Variants in KLHL23 observed in about 807,000 individuals in gnomAD.
KLHL23 encodes kelch like family member 23, also known as kelch-like protein 23.
In KLHL23, 33 loss-of-function variants were observed where a neutral mutation model predicts 48.9. The ratio of observed to expected loss-of-function variants is 0.67; its 90% CI spans 0.51 to 0.90. The LOEUF is 0.90. KLHL23 is among the 40% of genes least tolerant of loss of function. The pLI, the probability that KLHL23 is intolerant of heterozygous loss-of-function variation, is 0.00. For missense variants in KLHL23, 608 were observed against 669.6 expected (o/e 0.91, Z 1.02); for synonymous variants, 234 against 231.6 (o/e 1.01, Z -0.09).
chr2:169,749,368 C>G (rs1688883895), intron 3 of KLHL23, 54 bp from the exon 4 acceptor site: 13 of 1,471,412 alleles, frequency 8.8e-6, no homozygotes, highest in Non-Finnish European at 1.2e-5. Flanking sequence ...TGTGGAATCT[C>G]TTTTGTTTGT....
At chr2:169,736,669 A>G (rs1688525649) in intron 2 of KLHL23, among the ~76,000 whole-genome samples, 1 of 152,184 alleles carries the variant, frequency 6.6e-6, no homozygotes, top group Admixed American at 6.5e-5. Flanking sequence ...TGAGAGGGGC[A>G]GACACCATAC....
intron 2 of KLHL23, among the ~76,000 whole-genome samples, chr2:169,740,791 T>TATATATATATATATATAA (rs1291405019): frequency 1.4e-5 from 2 of 140,236 alleles, no homozygotes; most frequent in Non-Finnish European, 3.1e-5. Context: ...TATATATATA[T>TATATATATATATATATAA]AACTTATTTA....
intron 3 of KLHL23, among the ~76,000 whole-genome samples, chr2:169,741,806 AT>A (rs1326578741): frequency 6.6e-6 from 1 of 152,180 alleles, no homozygotes; most frequent in Non-Finnish European, 1.5e-5. Context: ...CGTCTTTAAA[AT>A]TTTTTTCCTT....
chr2:169,739,787 A>G (rs1688630102), intron 2 of KLHL23, among the ~76,000 whole-genome samples: 1 of 152,168 alleles, frequency 6.6e-6, no homozygotes, highest in Non-Finnish European at 1.5e-5. Context: ...TGTGAACGTT[A>G]TACTTAAACA....
chr2:169,744,970 CT>C (rs1455039930), intron 3 of KLHL23, among the ~76,000 whole-genome samples: 5 of 151,372 alleles, frequency 3.3e-5, no homozygotes, highest in Non-Finnish European at 7.4e-5. Context: ...GACAGTCTCG[CT>C]CTGTTGCTTA....
At chr2:169,747,635 A>G (rs1402563995) in intron 3 of KLHL23, among the ~76,000 whole-genome samples, 2 of 151,998 alleles carry the variant, frequency 1.3e-5, no homozygotes, top group Non-Finnish European at 2.9e-5. Flanking sequence ...TATTCTTTCT[A>G]AAGAGGGGCT....
intron 3 of KLHL23, among the ~76,000 whole-genome samples, chr2:169,748,866 A>G (rs936742408): frequency 1.3e-5 from 2 of 149,888 alleles, no homozygotes; most frequent in African/African-American, 4.9e-5. Flanking sequence ...GCTTCTCAGG[A>G]TGATAGACTG....
rs1437635381 is a variant in KLHL23, at chr2:169,744,486, G to A, written c.1366+2949G>A. On this transcript the variant is annotated intron_variant, in intron 3 of 3. Coordinates refer to ENST00000392647, the MANE Select transcript of KLHL23 (RefSeq NM_144711.6). ...AGACATGAATGAATGGAATGTAAGA[G>A]GGTAGAATGGGAGATCGGATGGGAG... is the stretch of plus-strand genomic sequence containing the variant. Among the ~76,000 whole-genome samples, 6 of 152,172 alleles carry A rather than the reference G, an allele frequency of 3.9e-5. 1 individual carries two copies. The highest frequency in any genetic ancestry group is 3.9e-4 in the Admixed American group (6 of 15,266).
At chr2:169,739,974 G>A (rs750949311) in intron 2 of KLHL23, among the ~76,000 whole-genome samples, 16 of 152,144 alleles carry the variant, frequency 1.1e-4, no homozygotes, top group Non-Finnish European at 7.4e-5. Flanking sequence ...TAAAAATACA[G>A]CATAAAAGAT....
chr2:169,740,792 A>AACTTATTTATTGATTTTTTT (rs1688660899), intron 2 of KLHL23, among the ~76,000 whole-genome samples: 1 of 138,872 alleles, frequency 7.2e-6, no homozygotes. Context: ...ATATATATAT[A>AACTTATTTATTGATTTTTTT]ACTTATTTAT....
intron 2 of KLHL23, among the ~76,000 whole-genome samples, chr2:169,740,256 G>T (rs1688640986): frequency 6.6e-6 from 1 of 151,962 alleles, no homozygotes; most frequent in Non-Finnish European, 1.5e-5. Context: ...GGGACTACAG[G>T]CACATGCTAT....
intron 3 of KLHL23, among the ~76,000 whole-genome samples, chr2:169,748,090 C>T (rs1574529827): frequency 1.3e-5 from 2 of 152,218 alleles, no homozygotes; most frequent in African/African-American, 4.8e-5. Context: ...TGCCATTGCA[C>T]TCCAACCTGG....
chr2:169,749,012 G>A (rs1476181351), intron 3 of KLHL23, among the ~76,000 whole-genome samples: 2 of 152,212 alleles, frequency 1.3e-5, no homozygotes, highest in African/African-American at 4.8e-5. Flanking sequence ...CATTGGTTAA[G>A]GAGACAGCTG....
At chr2:169,737,954 AATTTAT>A (rs1409607019) in intron 2 of KLHL23, among the ~76,000 whole-genome samples, 1 of 152,214 alleles carries the variant, frequency 6.6e-6, no homozygotes, top group Non-Finnish European at 1.5e-5. Flanking sequence ...AAATTTTAAA[AATTTAT>A]ATTTAGAACA....
In KLHL23 at chr2:169,736,085, T is replaced by C; in HGVS notation, c.1071T>C (p.Asn357=). Residue 357 remains asparagine (N), a synonymous_variant, in exon 2 of 4, where the codon AAT becomes AAC. Coordinates refer to ENST00000392647, the MANE Select transcript of KLHL23 (RefSeq NM_144711.6). The part of the protein sequence containing the change: ...DEWTEGLPML[N]ARYYHCAVTL... ...GGACAGAAGGTTTGCCAATGCTCAA[T>C]GCCAGGTATTACCACTGTGCAGTCA... 1 of 1,614,216 alleles carries C rather than the reference T, an allele frequency of 6.2e-7. No homozygotes were observed. Among genetic ancestry groups the C allele is most frequent in the Admixed American group, 1.7e-5 (1 of 60,024 alleles).
chr2:169,735,450 G>T lies in KLHL23; in HGVS notation c.436G>T (p.Ala146Ser). The stretch of plus-strand genomic sequence containing the variant: ...TAATTGTATTGGAATGCACTCCTTT[G>T]CAGAATTTCATGTGTGTCCAGAACT... ...IDNCIGMHSF[A>S]EFHVCPELEK... is the part of the protein sequence containing the mutation. Residue 146 changes from alanine to serine, a missense_variant, in exon 2 of 4, where the codon GCA (alanine) becomes TCA (serine). This residue lies in a region of KLHL23 where 419 missense variants were observed against 473.1 expected (regional missense o/e 0.89). Transcript: ENST00000392647. The surrounding 1 kb of genome is among the most constrained non-coding windows in gnomAD (Gnocchi z 4.5). 10 of 1,613,996 alleles carry T rather than the reference G, an allele frequency of 6.2e-6. No individual in the cohort carries two copies. The highest frequency in any genetic ancestry group is 8.5e-6 in the Non-Finnish European group (10 of 1,180,034).
chr2:169,741,497 T>G lies in KLHL23; in HGVS notation c.1326T>G (p.Asp442Glu). The G allele has an allele frequency of 1.2e-6, 2 of 1,613,984 alleles. No individual in the cohort carries two copies. Among genetic ancestry groups the G allele is most frequent in the Non-Finnish European group, 1.7e-6 (2 of 1,179,936 alleles). Residue 442 changes from aspartate to glutamate, a missense_variant, in exon 3 of 4, where the codon GAT (aspartate) becomes GAG (glutamate). Transcript: ENST00000392647. ...TYDKVQSYNS[D>E]INEWSLITSS... ...ACAAAGTTCAGAGCTACAATTCCGA[T>G]ATCAACGAATGGAGCCTCATCACCT...
Position 169,735,429 on chromosome 2 carries a change from T to C in KLHL23, c.415T>C (p.Cys139Arg). Residue 139 changes from cysteine (C) to arginine (R), a missense_variant, in exon 2 of 4, where the codon TGT (cysteine) becomes CGT (arginine). By Grantham distance (180) the Cys-to-Arg change is radical (BLOSUM62 -3). Coordinates refer to ENST00000392647, the MANE Select transcript of KLHL23 (RefSeq NM_144711.6). The surrounding 1 kb of genome is among the most constrained non-coding windows in gnomAD (Gnocchi z 4.5). ...FLVRHLDIDN[C>R]IGMHSFAEFH... ...GGTAAGGCACTTGGATATTGATAATTGTATTGGAATGCACTCCTTTGCAGA... is the reference window on the plus strand; with the variant it reads ...GGTAAGGCACTTGGATATTGATAATCGTATTGGAATGCACTCCTTTGCAGA... The C allele has an allele frequency of 2.5e-6, 4 of 1,613,876 alleles. No individual in the cohort carries two copies. Among genetic ancestry groups the C allele is most frequent in the Non-Finnish European group, 3.4e-6 (4 of 1,180,000 alleles).
At position 169,749,932 on chromosome 2, in the gene KLHL23, C is replaced by CAT. The variant is rs1249471665; in HGVS notation, c.*201_*202insTA. On this transcript the variant is annotated 3_prime_UTR_variant, in exon 4 of 4. Coordinates refer to ENST00000392647, the MANE Select transcript of KLHL23 (RefSeq NM_144711.6). ...AAAATCTTATATATATATATATATA[C>CAT]ACACACACATATATGTGTTCATATA... 53 of 71,516 alleles carry CAT rather than the reference C, an allele frequency of 7.4e-4. No homozygotes were observed. Among genetic ancestry groups the CAT allele is most frequent in the Non-Finnish European group, 1.2e-3 (44 of 36,742 alleles). The allele number at this position is 71,516 out of a possible 1,614,324, so 4.4% of individuals were successfully genotyped here.
Sources: gnomAD v4.1 joint callset for allele counts (sites outside exome capture counted in the v4.1 genomes callset) on GRCh38, gnomAD v4.1.1 for gene constraint, gnomAD v4.1.1 regional missense constraint, Gnocchi (gnomAD v3.1) non-coding constraint, MANE v1.5 for transcripts, NCBI Gene and HGNC (gene_info 2026-07-23, HGNC 2026-07-21) for gene names.